GAS7: variants seen among roughly 807,000 people sequenced by gnomAD.
GAS7 encodes growth arrest specific 7.
Under a neutral mutation model 71.1 loss-of-function variants are expected in GAS7, and 28 were observed. The observed-to-expected ratio is 0.39, with a 90% CI of 0.29 to 0.54. The LOEUF is 0.54. Ranked by LOEUF, GAS7 falls within the 20% of genes least tolerant of loss-of-function variation. GAS7 has a pLI of 0.62. For synonymous variants in GAS7, 258 were observed against 245.8 expected, an observed-to-expected ratio of 1.05 and a Z score of -0.46; for missense variants, 436 against 627.8, an observed-to-expected ratio of 0.69 and a Z score of 3.27.
intron 1 of GAS7, among the ~76,000 whole-genome samples, chr17:10,190,258 T>G (rs978832636): frequency 1.3e-5 from 2 of 152,142 alleles, no homozygotes; most frequent in Non-Finnish European, 1.5e-5. Context: ...ACAGAAAGAT[T>G]TGCCAACGCA....
chr17:10,165,308 A>AAG (rs1418546433), intron 1 of GAS7, among the ~76,000 whole-genome samples: 1 of 151,334 alleles, frequency 6.6e-6, no homozygotes, highest in African/African-American at 2.4e-5. Context: ...AAAAAAAAAA[A>AAG]AAAGAAAACA....
At chr17:10,044,234 A>T (rs946775023) in intron 1 of GAS7, among the ~76,000 whole-genome samples, 1 of 152,212 alleles carries the variant, frequency 6.6e-6, no homozygotes, top group Non-Finnish European at 1.5e-5. Flanking sequence ...TACATAGAAC[A>T]GTGAGGGCTT....
intron 1 of GAS7, among the ~76,000 whole-genome samples, chr17:10,166,888 G>A (rs897121126): frequency 2.0e-5 from 3 of 152,136 alleles, no homozygotes; most frequent in Admixed American, 6.6e-5. Context: ...AGGCACATTC[G>A]ATCAAAGGCT....
chr17:10,099,898 TA>T (rs2073682113), intron 1 of GAS7, among the ~76,000 whole-genome samples: 1 of 152,180 alleles, frequency 6.6e-6, no homozygotes. Context: ...TAAAAGCATA[TA>T]ACAGGGACAG....
In GAS7 at chr17:9,917,129, C is replaced by T; in HGVS notation, c.*99G>A. On this transcript the variant is annotated 3_prime_UTR_variant, in exon 14 of 14. Transcript: ENST00000432992. ...CAGCTCTCTCCCCTCTCCTCAGTGG[C>T]CCAGGAGAGAGGGTGGGGGGCATCC... is the stretch of plus-strand genomic sequence containing the variant. The T allele has an allele frequency of 1.2e-6, 1 of 802,506 alleles. No individual in the cohort carries two copies. The highest frequency in any genetic ancestry group is 1.4e-5 in the South Asian group (1 of 72,458). The allele number at this position is 802,506 out of a possible 1,614,324, so 49.7% of individuals were successfully genotyped here.
In GAS7 at chr17:10,178,702, C is replaced by CTTTTTTTTTTTTTT. The variant is rs397857157; in HGVS notation, c.183+19492_183+19505dup. Reference sequence around the variant, plus strand: ...TCAACTCCCCTCCCTCCCCCACCACCTTTTTTTTTTTTTTTTTTTTTTTTT... The same window carrying CTTTTTTTTTTTTTT: ...TCAACTCCCCTCCCTCCCCCACCACCTTTTTTTTTTTTTTTTTTTTTTTTTTTTTTTTTTTTTTT... On this transcript the variant is annotated intron_variant, in intron 1 of 13. Coordinates refer to ENST00000432992, the MANE Select transcript of GAS7 (RefSeq NM_201433.2). 1.3e-3 allele frequency among the ~76,000 whole-genome samples: 46 copies of CTTTTTTTTTTTTTT among 34,592 alleles called. 13 individuals are homozygous for CTTTTTTTTTTTTTT. Among genetic ancestry groups the CTTTTTTTTTTTTTT allele is most frequent in the Admixed American group, 3.9e-3 (7 of 1,800 alleles). The allele number at this position is 34,592 out of a possible 152,430, so 22.7% of individuals were successfully genotyped here.
intron 5 of GAS7, among the ~76,000 whole-genome samples, chr17:9,951,674 T>G (rs946042983): frequency 6.8e-6 from 1 of 147,046 alleles, no homozygotes; most frequent in African/African-American, 2.5e-5. Context: ...GGAGAATCGC[T>G]TGAACCTGGG....
At chr17:9,952,039 C>T (rs1415645032) in intron 5 of GAS7, among the ~76,000 whole-genome samples, 2 of 152,162 alleles carry the variant, frequency 1.3e-5, no homozygotes, top group Non-Finnish European at 2.9e-5. Context: ...ACCTAAAAGG[C>T]CATGGAAGTC....
chr17:10,195,231 C>T (rs2074532310), intron 1 of GAS7, among the ~76,000 whole-genome samples: 1 of 152,200 alleles, frequency 6.6e-6, no homozygotes, highest in South Asian at 2.1e-4. Context: ...AGCTGGCCTC[C>T]TCCCAAGGGC....
At chr17:9,977,660 A>C (rs1250343897) in intron 3 of GAS7, among the ~76,000 whole-genome samples, 5 of 148,172 alleles carry the variant, frequency 3.4e-5, no homozygotes, top group Non-Finnish European at 6.0e-5. Context: ...ATATTAAAGG[A>C]TGGAATGCAG....
chr17:10,192,811 C>G (rs1294107312), intron 1 of GAS7, among the ~76,000 whole-genome samples: 1 of 152,116 alleles, frequency 6.6e-6, no homozygotes, highest in Non-Finnish European at 1.5e-5. Context: ...ACACCAGGAG[C>G]TACAAATACT....
At chr17:9,937,007 T>C (rs1480406073) in intron 8 of GAS7, among the ~76,000 whole-genome samples, 1 of 152,242 alleles carries the variant, frequency 6.6e-6, no homozygotes, top group Non-Finnish European at 1.5e-5. Flanking sequence ...CTGCTTTGCT[T>C]TGAAAGTCTT....
chr17:10,164,848 GAAAAAAA>G (rs755151597), intron 1 of GAS7, among the ~76,000 whole-genome samples: 2 of 106,106 alleles, frequency 1.9e-5, no homozygotes, highest in Non-Finnish European at 3.8e-5. Context: ...ATGAAAAAAG[GAAAAAAA>G]AAAAAAAAAA....
intron 1 of GAS7, among the ~76,000 whole-genome samples, chr17:10,119,342 T>A (rs1038667406): frequency 1.3e-5 from 2 of 152,206 alleles, no homozygotes; most frequent in Non-Finnish European, 2.9e-5. Flanking sequence ...CTTCATTAAG[T>A]AGTTACTGAG....
At chr17:9,961,909 G>T (rs1324078851) in intron 4 of GAS7, among the ~76,000 whole-genome samples, 3 of 152,184 alleles carry the variant, frequency 2.0e-5, no homozygotes, top group Non-Finnish European at 4.4e-5. Flanking sequence ...TGTTTTCCAT[G>T]TGTCTTTGCA....
rs568592358 is a variant in GAS7, at chr17:9,998,776, C to T, written c.305-16892G>A. Among the ~76,000 whole-genome samples, 68 of 151,828 alleles carry T rather than the reference C, an allele frequency of 4.5e-4. No homozygotes were observed. In the Middle Eastern group the frequency reaches 0.017, roughly 38 times the overall value. ...ACAGTTAGGACAATCAATCTTGGCA[C>T]CTGATTTTCCCATCCTTACGCCTGC... On this transcript the variant is annotated intron_variant, in intron 2 of 13. Coordinates refer to ENST00000432992, the MANE Select transcript of GAS7 (RefSeq NM_201433.2).
Position 10,198,384 on chromosome 17 carries a change from C to T in GAS7, c.7G>A (p.Gly3Ser), listed in dbSNP as rs374102406. The change falls in exon 1 of 14, where the codon GGC (glycine) becomes AGC (serine). Residue 3 changes from glycine to serine, a missense_variant. Coordinates refer to ENST00000432992, the MANE Select transcript of GAS7 (RefSeq NM_201433.2). MS[G>S]ARCRTLYPFS... ...GGGTACAGGGTCCGGCAGCGAGCGCCGGACATGGCCTTGGCGCCCGGGTTC... is the reference window on the plus strand; with the variant it reads ...GGGTACAGGGTCCGGCAGCGAGCGCTGGACATGGCCTTGGCGCCCGGGTTC... 2 of 1,580,704 alleles carry T rather than the reference C, an allele frequency of 1.3e-6. No individual in the cohort carries two copies. The highest frequency in any genetic ancestry group is 1.4e-5 in the African/African-American group (1 of 72,812).
intron 1 of GAS7, among the ~76,000 whole-genome samples, chr17:10,023,698 G>A (rs577725178): frequency 3.9e-5 from 6 of 152,210 alleles, no homozygotes; most frequent in Non-Finnish European, 8.8e-5. Flanking sequence ...GGGAGAATGG[G>A]TACACGTTTT....
At chr17:10,128,506 C>A (rs28391220) in intron 1 of GAS7, among the ~76,000 whole-genome samples, 56,744 of 152,110 alleles carry the variant, frequency 0.37, 11,175 homozygotes, top group East Asian at 0.5. Flanking sequence ...ATGCCTCCCC[C>A]TCTCACCCCC....
Sources: gnomAD v4.1 joint callset for allele counts (sites outside exome capture counted in the v4.1 genomes callset) on GRCh38, gnomAD v4.1.1 for gene constraint, MANE v1.5 for transcripts, NCBI Gene and HGNC (gene_info 2026-07-23, HGNC 2026-07-21) for gene names.